C8orf74: variants seen among roughly 807,000 people sequenced by gnomAD.
C8orf74 encodes the protein chromosome 8 open reading frame 74.
Under a neutral mutation model 22.2 loss-of-function variants are expected in C8orf74, and 29 were observed. The ratio of observed to expected loss-of-function variants is 1.31; its 90% CI spans 0.97 to 1.78. The LOEUF is 1.78. Ranked by LOEUF, C8orf74 falls within the 40% of genes most tolerant of loss-of-function variation. The pLI is 0.00. For missense variants in C8orf74, 515 were observed against 369.9 expected (o/e 1.39, Z -3.22); for synonymous variants, 255 against 163.1 (o/e 1.56, Z -4.30).
rs962133057 is a variant in C8orf74 at position 10,695,936 on chromosome 8, T to G, written c.242-1663T>G. Among the ~76,000 whole-genome samples the G allele has an allele frequency of 1.4e-4, 21 of 152,154 alleles. 1 individual carries two copies. Among genetic ancestry groups the G allele is most frequent in the Non-Finnish European group, 1.5e-5 (1 of 68,008 alleles). The stretch of plus-strand genomic sequence containing the variant: ...GGTGGGCGCCTGGCCCAAGCCCTCA[T>G]TCTTCAGAGGGGGACACTGAGTCAC... On this transcript the variant is annotated intron_variant, in intron 2 of 3. Coordinates refer to ENST00000304519, the MANE Select transcript of C8orf74 (RefSeq NM_001040032.2).
At chr8:10,681,493 G>C (rs995220379) in intron 2 of C8orf74, among the ~76,000 whole-genome samples, 5 of 152,134 alleles carry the variant, frequency 3.3e-5, no homozygotes, top group African/African-American at 1.2e-4. Context: ...TGGGGGCCTT[G>C]AGGAGCCGCA....
chr8:10,672,762 G>A (rs1798943415), intron 1 of C8orf74, 49 bp downstream of exon 1: 1 of 1,514,420 alleles, frequency 6.6e-7, no homozygotes, highest in African/African-American at 1.4e-5. Context: ...GCTCATCCTG[G>A]GCACATAGGG....
chr8:10,685,064 A>C (rs962938782), intron 2 of C8orf74, among the ~76,000 whole-genome samples: 20 of 152,260 alleles, frequency 1.3e-4, no homozygotes, highest in African/African-American at 4.3e-4. Context: ...AAACGGTGCA[A>C]CATCTAAAAC....
intron 2 of C8orf74, among the ~76,000 whole-genome samples, chr8:10,696,441 C>CTTTTTTTT (rs546082377): frequency 8.0e-4 from 82 of 102,406 alleles, no homozygotes; most frequent in Middle Eastern, 6.4e-3. Context: ...CTTTTCTTTT[C>CTTTTTTTT]TTTTTTTTTT....
chr8:10,674,967 A>G (rs1413219283), intron 2 of C8orf74, 129 bp downstream of exon 2: 2 of 699,382 alleles, frequency 2.9e-6, no homozygotes, highest in South Asian at 2.0e-5. Context: ...CTTCCCTGGC[A>G]TTGGGCCTCC....
intron 3 of C8orf74, 63 bp from the exon 4 acceptor site, chr8:10,700,172 G>T (rs1799622432): frequency 1.9e-6 from 2 of 1,079,818 alleles, no homozygotes; most frequent in East Asian, 2.4e-5. Context: ...CAGGGGCTGA[G>T]TTGAGAACTG....
At chr8:10,675,643 A>C (rs1799017157) in intron 2 of C8orf74, 1 of 152,250 alleles carries the variant, frequency 6.6e-6, no homozygotes, top group Non-Finnish European at 1.5e-5. Context: ...ATCCAAGTGG[A>C]CATTGTCAGT....
At chr8:10,685,299 C>G (rs962329383) in intron 2 of C8orf74, among the ~76,000 whole-genome samples, 1 of 152,180 alleles carries the variant, frequency 6.6e-6, no homozygotes, top group Non-Finnish European at 1.5e-5. Flanking sequence ...TGGGTACACA[C>G]CCAAAAGAAT....
Position 10,689,643 on chromosome 8 carries a change from T to C in C8orf74, c.242-7956T>C, listed in dbSNP as rs1008386999. 3 of 152,342 alleles carry C rather than the reference T, an allele frequency of 2.0e-5. No homozygotes were observed. In the East Asian group the frequency reaches 5.8e-4, roughly 29 times the overall value. 9.4% of individuals were successfully genotyped at this position (152,342 alleles called of 1,614,324 possible). Reference sequence around the variant, plus strand: ...GACTCTTCCAGAATTTACTTACTCATAGCCTACCGTTGACCAGAAGCTTAC... The same window carrying C: ...GACTCTTCCAGAATTTACTTACTCACAGCCTACCGTTGACCAGAAGCTTAC... On this transcript the variant is annotated intron_variant, in intron 2 of 3. Transcript: ENST00000304519.
chr8:10,679,170 C>T (rs1410228703), intron 2 of C8orf74, among the ~76,000 whole-genome samples: 2 of 152,170 alleles, frequency 1.3e-5, no homozygotes, highest in Non-Finnish European at 1.5e-5. Context: ...AGAACAGCAT[C>T]CACTTCACAG....
chr8:10,681,631 C>T (rs553955664), intron 2 of C8orf74, among the ~76,000 whole-genome samples: 239 of 152,342 alleles, frequency 1.6e-3, no homozygotes, highest in African/African-American at 4.9e-3. Context: ...CTGGCACCTG[C>T]AGGACCTCCC....
intron 2 of C8orf74, chr8:10,691,189 G>T: frequency 5.8e-6 from 2 of 342,592 alleles, no homozygotes; most frequent in Non-Finnish European, 1.2e-5. Flanking sequence ...CTCCTTCCCT[G>T]TTGACCCAGG....
intron 1 of C8orf74, among the ~76,000 whole-genome samples, chr8:10,673,964 A>G (rs1463151241): frequency 9.0e-6 from 1 of 110,612 alleles, no homozygotes; most frequent in Non-Finnish European, 1.8e-5. Context: ...CCCCCATATC[A>G]TATCCCACAA....
chr8:10,695,523 C>T (rs555045647), intron 2 of C8orf74, among the ~76,000 whole-genome samples: 1 of 152,246 alleles, frequency 6.6e-6, no homozygotes, highest in East Asian at 1.9e-4. Context: ...GGAGTGGTGC[C>T]CCTTTTGCTA....
chr8:10,694,856 A>G (rs990182022), intron 2 of C8orf74, among the ~76,000 whole-genome samples: 3 of 152,058 alleles, frequency 2.0e-5, no homozygotes, highest in Non-Finnish European at 4.4e-5. Context: ...GGAAAAATGG[A>G]TGGATGGAAG....
intron 3 of C8orf74, among the ~76,000 whole-genome samples, chr8:10,698,713 G>T (rs1799585394): frequency 6.6e-6 from 1 of 152,156 alleles, no homozygotes; most frequent in African/African-American, 2.4e-5. Context: ...AGTCATCATT[G>T]TTGCATCATC....
chr8:10,691,035 C>A, intron 2 of C8orf74: 1 of 430,130 alleles, frequency 2.3e-6, no homozygotes, highest in South Asian at 1.6e-5. Flanking sequence ...TCTGAGTCAC[C>A]AGGAACTTCT....
chr8:10,684,097 T>C (rs1461669687), intron 2 of C8orf74, among the ~76,000 whole-genome samples: 1 of 152,182 alleles, frequency 6.6e-6, no homozygotes, highest in African/African-American at 2.4e-5. Context: ...ATCTCAGCCA[T>C]AGACATGGCA....
In C8orf74 at chr8:10,700,346, A is replaced by G. The variant is rs1256653002; in HGVS notation, c.760A>G (p.Lys254Glu). Reference sequence around the variant, plus strand: ...CGCCATCTTGGACCTGAAGCTTCAGAAGAAGACTCTGAACCTCAACGCCCC... The same window carrying G: ...CGCCATCTTGGACCTGAAGCTTCAGGAGAAGACTCTGAACCTCAACGCCCC... ...TFAILDLKLQ[K>E]KTLNLNAPTP... is the part of the protein sequence containing the mutation. The change falls in exon 4 of 4, where the codon AAG (lysine) becomes GAG (glutamate). Residue 254 changes from lysine (K) to glutamate (E), a missense_variant. Lys to Glu is a moderately conservative substitution (Grantham distance 56). Transcript: ENST00000304519. 1.9e-6 allele frequency: 3 copies of G among 1,613,650 alleles called. No homozygotes were observed. Among genetic ancestry groups the G allele is most frequent in the Non-Finnish European group, 2.5e-6 (3 of 1,179,768 alleles).
Sources: allele counts gnomAD v4.1 joint callset (sites outside exome capture counted in the v4.1 genomes callset), GRCh38; gene constraint gnomAD v4.1.1; transcripts MANE v1.5; gene names NCBI Gene and HGNC (gene_info 2026-07-23, HGNC 2026-07-21).